ADAMTS6: variants seen among roughly 807,000 people sequenced by gnomAD.
ADAMTS6 encodes the protein ADAM metallopeptidase with thrombospondin type 1 motif 6, also known as A disintegrin and metalloproteinase with thrombospondin motifs 6.
In ADAMTS6, 23 loss-of-function variants were observed where a neutral mutation model predicts 144.3. That is an observed-to-expected ratio of 0.16 (90% confidence interval 0.11 to 0.23). The LOEUF (loss-of-function observed/expected upper bound fraction) is 0.23. ADAMTS6 is among the 10% of genes least tolerant of loss of function. The pLI is 1.00. For synonymous variants in ADAMTS6, 444 were observed against 457.5 expected (o/e 0.97, Z 0.38); for missense variants, 999 against 1,379.6 (o/e 0.72, Z 4.37).
At chr5:65,222,313 T>C (rs1757379549) in intron 18 of ADAMTS6, among the ~76,000 whole-genome samples, 1 of 152,214 alleles carries the variant, frequency 6.6e-6, no homozygotes, top group African/African-American at 2.4e-5. Flanking sequence ...CATCCATGTA[T>C]GCTTAATTGA....
intron 22 of ADAMTS6, among the ~76,000 whole-genome samples, chr5:65,182,911 T>C (rs1579984230): frequency 6.6e-6 from 1 of 152,276 alleles, no homozygotes; most frequent in East Asian, 1.9e-4. Context: ...GAAAACTACA[T>C]TGCTGTCACA....
intron 20 of ADAMTS6, among the ~76,000 whole-genome samples, chr5:65,203,958 A>T (rs1378364309): frequency 3.3e-5 from 5 of 152,318 alleles, no homozygotes; most frequent in Admixed American, 1.3e-4. Context: ...TTTTTCAGTG[A>T]CTGAATATGT....
At chr5:65,330,360 T>C (rs1382352257) in intron 8 of ADAMTS6, among the ~76,000 whole-genome samples, 1 of 152,138 alleles carries the variant, frequency 6.6e-6, no homozygotes, top group South Asian at 2.1e-4. Context: ...TGTCATCTCT[T>C]ATAAGGAAAC....
At chr5:65,412,132 C>A (rs1455868764) in intron 7 of ADAMTS6, among the ~76,000 whole-genome samples, 1 of 152,042 alleles carries the variant, frequency 6.6e-6, no homozygotes, top group Non-Finnish European at 1.5e-5. Flanking sequence ...CAATTTCACA[C>A]AGTAAAGTGG....
intron 7 of ADAMTS6, among the ~76,000 whole-genome samples, chr5:65,427,445 A>T (rs1448004891): frequency 1.3e-5 from 2 of 152,154 alleles, no homozygotes; most frequent in South Asian, 2.1e-4. Context: ...CTAGGGTTAC[A>T]AATATATTAT....
intron 7 of ADAMTS6, among the ~76,000 whole-genome samples, chr5:65,373,859 A>G (rs1330223491): frequency 2.0e-5 from 3 of 152,258 alleles, no homozygotes; most frequent in East Asian, 1.9e-4. Flanking sequence ...AAAATCCTCA[A>G]TAAAATACTG....
intron 7 of ADAMTS6, among the ~76,000 whole-genome samples, chr5:65,378,799 C>G (rs1751781496): frequency 6.6e-6 from 1 of 152,130 alleles, no homozygotes; most frequent in Admixed American, 6.6e-5. Flanking sequence ...AATTAAGCTT[C>G]TAACTCTGAA....
intron 4 of ADAMTS6, among the ~76,000 whole-genome samples, chr5:65,457,968 G>A (rs552579131): frequency 4.0e-5 from 6 of 151,738 alleles, no homozygotes; most frequent in South Asian, 2.1e-4. Context: ...CTCGTGATCC[G>A]CCTGCCTCAG....
Position 65,175,896 on chromosome 5 carries a change from C to A in ADAMTS6, c.2911-2888G>T, listed in dbSNP as rs554537660. Among the ~76,000 whole-genome samples, 10 of 151,252 alleles carry A rather than the reference C, an allele frequency of 6.6e-5. 1 individual carries two copies. In the East Asian group the frequency reaches 1.7e-3, roughly 26 times the overall value. ...GGAAAAAAAAAAAAAACATCTATAC[C>A]AATTCTAAGTTAATTTGGACTGAAC... On this transcript the variant is annotated intron_variant, in intron 22 of 24. Transcript: ENST00000381055.
At chr5:65,235,595 AAG>A (rs2112461358) in intron 15 of ADAMTS6, among the ~76,000 whole-genome samples, 1 of 152,226 alleles carries the variant, frequency 6.6e-6, no homozygotes, top group African/African-American at 2.4e-5. Context: ...AAAATGTGAA[AAG>A]AGAGACTGGC....
intron 7 of ADAMTS6, among the ~76,000 whole-genome samples, chr5:65,402,699 C>A (rs569288053): frequency 6.6e-6 from 1 of 152,074 alleles, no homozygotes; most frequent in African/African-American, 2.4e-5. Flanking sequence ...GACACCCCCC[C>A]CCATATTTGG....
chr5:65,220,112 A>C (rs541054477), intron 18 of ADAMTS6, among the ~76,000 whole-genome samples: 1 of 152,328 alleles, frequency 6.6e-6, no homozygotes, highest in South Asian at 2.1e-4. Flanking sequence ...ACTATAAAAA[A>C]ACCTTAACAA....
intron 7 of ADAMTS6, among the ~76,000 whole-genome samples, chr5:65,348,690 T>C (rs180842845): frequency 2.0e-5 from 3 of 152,272 alleles, no homozygotes; most frequent in East Asian, 3.9e-4. Context: ...GTGATAATTA[T>C]ATTAATTAGC....
chr5:65,256,779 GT>G (rs1760694417), intron 14 of ADAMTS6, among the ~76,000 whole-genome samples: 1 of 152,028 alleles, frequency 6.6e-6, no homozygotes, highest in Non-Finnish European at 1.5e-5. Context: ...AATGGAATGA[GT>G]TGGGAATTGA....
chr5:65,254,270 C>T (rs1760465481), intron 14 of ADAMTS6, among the ~76,000 whole-genome samples: 1 of 152,140 alleles, frequency 6.6e-6, no homozygotes, highest in African/African-American at 2.4e-5. Flanking sequence ...TAATATGACA[C>T]ACGCATTCAT....
At chr5:65,268,687 AC>A (rs1198313186) in intron 12 of ADAMTS6, among the ~76,000 whole-genome samples, 1 of 151,902 alleles carries the variant, frequency 6.6e-6, no homozygotes, top group Non-Finnish European at 1.5e-5. Context: ...GCGATGTCAG[AC>A]CCCCCAGGAC....
At chr5:65,162,364 C>A (rs1290610807) in intron 24 of ADAMTS6, among the ~76,000 whole-genome samples, 1 of 152,052 alleles carries the variant, frequency 6.6e-6, no homozygotes, top group Admixed American at 6.6e-5. Context: ...ACAGTCATGC[C>A]AGAAATGTTT....
intron 7 of ADAMTS6, among the ~76,000 whole-genome samples, chr5:65,389,186 A>G (rs1424346464): frequency 2.0e-5 from 3 of 152,134 alleles, no homozygotes; most frequent in Admixed American, 2.0e-4. Flanking sequence ...CCTGGGCGAC[A>G]GAGCGAGACT....
intron 7 of ADAMTS6, chr5:65,415,227 A>C (rs2150188789): frequency 6.6e-6 from 1 of 152,522 alleles, no homozygotes; most frequent in Admixed American, 6.5e-5. Flanking sequence ...TAAGCACATA[A>C]AAAGATCGTC....
Sources: gnomAD v4.1 joint callset for allele counts (sites outside exome capture counted in the v4.1 genomes callset) on GRCh38, gnomAD v4.1.1 for gene constraint, MANE v1.5 for transcripts, NCBI Gene and HGNC (gene_info 2026-07-23, HGNC 2026-07-21) for gene names.